Variants in RYR2 observed in about 807,000 individuals in gnomAD.
RYR2 encodes the protein ryanodine receptor 2.
In RYR2, 227 loss-of-function variants were observed where a neutral mutation model predicts 601.1. The ratio of observed to expected loss-of-function variants is 0.38; its 90% CI spans 0.34 to 0.42. RYR2 has a LOEUF of 0.42. Ranked by LOEUF, RYR2 falls within the 10% of genes least tolerant of loss-of-function variation. The pLI, the probability that RYR2 is intolerant of heterozygous loss-of-function variation, is 1.00. For synonymous variants in RYR2, 2,223 were observed against 2,175.1 expected, an observed-to-expected ratio of 1.02 and a Z score of -0.61; for missense variants, 4,646 against 6,156.5, an observed-to-expected ratio of 0.75 and a Z score of 8.21.
At position 237,726,309 on chromosome 1, in the gene RYR2, G is replaced by A; in HGVS notation, c.10725+1G>A. 2 of 1,580,188 alleles carry A rather than the reference G, an allele frequency of 1.3e-6. No homozygotes were observed. The highest frequency in any genetic ancestry group is 1.7e-6 in the Non-Finnish European group (2 of 1,155,254). ...TGTGGGTCGGAGACATTACTGTCTG[G>A]GAAGTACAGTGCTCAATGGCCTAGA... On this transcript the variant is annotated splice_donor_variant, in intron 75 of 104. Transcript: ENST00000366574. LOFTEE classifies it high-confidence loss of function.
At chr1:237,204,071 C>G (rs900033692) in intron 1 of RYR2, among the ~76,000 whole-genome samples, 1 of 152,134 alleles carries the variant, frequency 6.6e-6, no homozygotes, top group Admixed American at 6.6e-5. Context: ...AGTACAGTGG[C>G]GCAATCATGA....
At chr1:237,043,516 T>TA (rs1456314685) in intron 1 of RYR2, among the ~76,000 whole-genome samples, 2 of 152,140 alleles carry the variant, frequency 1.3e-5, no homozygotes, top group Non-Finnish European at 2.9e-5. Flanking sequence ...ACACTGCAGA[T>TA]ACTTCCCAGG....
At chr1:237,651,819 C>T (rs1005024039) in intron 51 of RYR2, among the ~76,000 whole-genome samples, 4 of 152,030 alleles carry the variant, frequency 2.6e-5, no homozygotes, top group African/African-American at 7.2e-5. Context: ...GGGCGGATCA[C>T]GAGGTTAGGA....
At chr1:237,083,703 C>G (rs1665997764) in intron 1 of RYR2, among the ~76,000 whole-genome samples, 1 of 152,242 alleles carries the variant, frequency 6.6e-6, no homozygotes, top group African/African-American at 2.4e-5. Context: ...CTCTATTTCT[C>G]TGCCCCAAAA....
intron 17 of RYR2, among the ~76,000 whole-genome samples, chr1:237,490,327 G>T (rs1427174938): frequency 1.3e-5 from 2 of 152,082 alleles, no homozygotes; most frequent in Non-Finnish European, 2.9e-5. Flanking sequence ...CCCTTGAATC[G>T]AAAATAAAAG....
intron 68 of RYR2, 96 bp downstream of exon 68, chr1:237,707,365 A>G: frequency 4.5e-6 from 3 of 660,644 alleles, no homozygotes; most frequent in East Asian, 2.9e-5. Context: ...CACAATTTTT[A>G]TTAATATTTT....
chr1:237,550,594 T>A lies in RYR2; in HGVS notation c.3117T>A (p.Asp1039Glu). 6.2e-7 allele frequency: 1 copy of A among 1,606,060 alleles called. No homozygotes were observed. Among genetic ancestry groups the A allele is most frequent in the Non-Finnish European group, 8.5e-7 (1 of 1,176,156 alleles). The change falls in exon 27 of 105, where the codon GAT becomes GAA. Residue 1039 changes from aspartate (D) to glutamate (E), a missense_variant. Around this residue, in one of 17 missense-constraint regions of RYR2, gnomAD observed 1,807 missense variants for 2,088.1 expected, o/e 0.87. Transcript: ENST00000366574. Reference sequence around the variant, plus strand: ...GCCTTGTTCCCTACACTCTTCTGGATGACCGAACCAAGAAATCCAACAAGG... The same window carrying A: ...GCCTTGTTCCCTACACTCTTCTGGAAGACCGAACCAAGAAATCCAACAAGG... ...NPRLVPYTLL[D>E]DRTKKSNKDS...
intron 1 of RYR2, among the ~76,000 whole-genome samples, chr1:237,160,379 C>T (rs1675871873): frequency 6.6e-6 from 1 of 152,076 alleles, no homozygotes; most frequent in Non-Finnish European, 1.5e-5. Flanking sequence ...TTTAGTATTG[C>T]TTCTAAATTC....
intron 12 of RYR2, among the ~76,000 whole-genome samples, chr1:237,430,029 C>T (rs1706628700): frequency 6.6e-6 from 1 of 151,112 alleles, no homozygotes; most frequent in Non-Finnish European, 1.5e-5. Context: ...AAGTATTTTT[C>T]ATGGCTATCT....
chr1:237,305,194 A>G (rs914943362), intron 2 of RYR2, among the ~76,000 whole-genome samples: 3 of 152,182 alleles, frequency 2.0e-5, no homozygotes, highest in African/African-American at 7.2e-5. Flanking sequence ...CATACATAAG[A>G]GTATTTGTTG....
chr1:237,559,289 A>G (rs550617172), intron 27 of RYR2, among the ~76,000 whole-genome samples: 1 of 152,220 alleles, frequency 6.6e-6, no homozygotes, highest in South Asian at 2.1e-4. Flanking sequence ...CTCCTGCCCC[A>G]TCACCCTCTC....
intron 14 of RYR2, among the ~76,000 whole-genome samples, chr1:237,452,074 AT>A (rs66893159): frequency 8.2e-6 from 1 of 121,426 alleles, no homozygotes; most frequent in East Asian, 2.1e-4. Context: ...TATATATAAA[AT>A]TTTGTGTGTG....
intron 10 of RYR2, among the ~76,000 whole-genome samples, chr1:237,394,460 A>G (rs747781448): frequency 3.9e-5 from 6 of 152,236 alleles, no homozygotes; most frequent in Non-Finnish European, 7.3e-5. Context: ...GATGCTGGTT[A>G]GGCAAGTACT....
intron 44 of RYR2, among the ~76,000 whole-genome samples, chr1:237,635,288 A>T (rs1461918055): frequency 6.6e-6 from 1 of 152,192 alleles, no homozygotes; most frequent in Non-Finnish European, 1.5e-5. Flanking sequence ...TGAAAAAATG[A>T]ATTTTCTCTG....
intron 1 of RYR2, among the ~76,000 whole-genome samples, chr1:237,126,236 C>CA (rs35923495): frequency 0.55 from 77,595 of 140,466 alleles, 21,048 homozygotes; most frequent in Admixed American, 0.61. Flanking sequence ...GACTCTGTCT[C>CA]AAAAAAAAAA....
At chr1:237,184,623 C>T (rs192110353) in intron 1 of RYR2, among the ~76,000 whole-genome samples, 25 of 152,152 alleles carry the variant, frequency 1.6e-4, no homozygotes, top group South Asian at 4.1e-4. Flanking sequence ...AATTAGATAA[C>T]GATGGACTTT....
chr1:237,237,945 C>CCCTTTCCTTTCCTTTCCCTT (rs1685743818), intron 1 of RYR2, among the ~76,000 whole-genome samples: 1 of 35,500 alleles, frequency 2.8e-5, no homozygotes, highest in Non-Finnish European at 7.3e-5. Flanking sequence ...CTTTCCTTTC[C>CCCTTTCCTTTCCTTTCCCTT]CCTTTCCTTT....
At position 237,135,666 on chromosome 1, in the gene RYR2, G is replaced by A. The variant is rs367670076; in HGVS notation, c.48+93097G>A. 3.3e-5 allele frequency among the ~76,000 whole-genome samples: 5 copies of A among 151,780 alleles called. 1 individual carries two copies. In the South Asian group the frequency reaches 8.3e-4, roughly 25 times the overall value. ...GCTGGGATTAGAGGCATGAGCCACC[G>A]CGCCCGGCCCCCCTCGTTGGTTTTA... On this transcript the variant is annotated intron_variant, in intron 1 of 104. Transcript: ENST00000366574.
At chr1:237,380,910 T>G (rs1157566647) in intron 8 of RYR2, among the ~76,000 whole-genome samples, 1 of 151,960 alleles carries the variant, frequency 6.6e-6, no homozygotes, top group African/African-American at 2.4e-5. Context: ...AAGCCCCGTC[T>G]CTACTAAAAA....
Sources: allele counts gnomAD v4.1 joint callset (sites outside exome capture counted in the v4.1 genomes callset), GRCh38; gene constraint gnomAD v4.1.1; regional missense constraint gnomAD v4.1.1; transcripts MANE v1.5; gene names NCBI Gene and HGNC (gene_info 2026-07-23, HGNC 2026-07-21).